The following ZC3H12B variants were observed in gnomAD, a reference collection of about 807,000 sequenced individuals.
ZC3H12B encodes the protein probable ribonuclease ZC3H12B.
ZC3H12B carries 7 observed loss-of-function variants against 43.9 expected under a neutral mutation model. The observed-to-expected ratio is 0.16, with a 90% CI of 0.09 to 0.30. The LOEUF is 0.30. ZC3H12B is among the 10% of genes least tolerant of loss of function. The pLI is 1.00. For synonymous variants in ZC3H12B, 222 were observed against 241.7 expected (o/e 0.92, Z 0.76); for missense variants, 475 against 670.2 (o/e 0.71, Z 3.22).
At chrX:65,455,247 G>T (rs1303831655) in intron 3 of ZC3H12B, among the ~76,000 whole-genome samples, 1 of 111,682 alleles carries the variant, frequency 9.0e-6, no homozygotes. Flanking sequence ...TAGACGAATG[G>T]CTAACTAGAA....
chrX:65,393,216 C>G (rs755445015), intron 2 of ZC3H12B, among the ~76,000 whole-genome samples: 1 of 110,991 alleles, frequency 9.0e-6, no homozygotes, highest in Non-Finnish European at 1.9e-5. Context: ...AAATCCCCCT[C>G]TCTGAGAAAC....
the ZC3H12B span, among the ~76,000 whole-genome samples, chrX:65,155,761 G>A: frequency 9.0e-6 from 1 of 110,739 alleles, no homozygotes; most frequent in African/African-American, 3.3e-5. Context: ...TTGGGAGGTT[G>A]ATGTGGGAAG....
At chrX:65,379,078 G>A (rs769904737) in intron 2 of ZC3H12B, among the ~76,000 whole-genome samples, 38 of 112,119 alleles carry the variant, frequency 3.4e-4, no homozygotes, top group Admixed American at 8.4e-4. Context: ...CAAAGCAGCC[G>A]GGAAGCTCGA....
the ZC3H12B span, among the ~76,000 whole-genome samples, chrX:65,221,621 AC>A: frequency 9.0e-6 from 1 of 110,646 alleles, no homozygotes; most frequent in East Asian, 2.8e-4. Flanking sequence ...GAAATATGCA[AC>A]CCTCCTAAAT....
chrX:65,167,780 T>C, the ZC3H12B span, among the ~76,000 whole-genome samples: 3 of 111,719 alleles, frequency 2.7e-5, 1 homozygote, highest in Non-Finnish European at 5.6e-5. Flanking sequence ...GATTCCTAGG[T>C]ATTTTATTCT....
chrX:65,200,679 G>A, the ZC3H12B span, among the ~76,000 whole-genome samples: 1 of 109,769 alleles, frequency 9.1e-6, no homozygotes, highest in Non-Finnish European at 1.9e-5. Flanking sequence ...CAGTGTATCT[G>A]CCCACCTCAG....
At chrX:65,102,319 CG>C in the ZC3H12B span, among the ~76,000 whole-genome samples, 1 of 111,517 alleles carries the variant, frequency 9.0e-6, no homozygotes, top group African/African-American at 3.3e-5. Context: ...CTTTGAAAAC[CG>C]GCACAAGACA....
chrX:65,439,424 G>A (rs980131669), intron 3 of ZC3H12B, among the ~76,000 whole-genome samples: 1 of 111,521 alleles, frequency 9.0e-6, no homozygotes, highest in African/African-American at 3.3e-5. Context: ...CCCCTTATGG[G>A]ACCAATTAAT....
the ZC3H12B span, among the ~76,000 whole-genome samples, chrX:65,119,221 C>T: frequency 1.8e-5 from 2 of 111,584 alleles, no homozygotes; most frequent in Admixed American, 9.5e-5. Context: ...TGAGGAATCG[C>T]CACACTGACT....
At chrX:65,078,961 G>A in the ZC3H12B span, among the ~76,000 whole-genome samples, 4 of 106,009 alleles carry the variant, frequency 3.8e-5, no homozygotes, top group Non-Finnish European at 7.6e-5. Flanking sequence ...AAATATTAGA[G>A]CTCATTCATT....
chrX:65,084,745 C>G, the ZC3H12B span, among the ~76,000 whole-genome samples: 1 of 112,634 alleles, frequency 8.9e-6, no homozygotes, highest in Admixed American at 9.3e-5. Context: ...GATCCAGCAG[C>G]CCCATTGCTG....
chrX:65,137,579 T>A, the ZC3H12B span, among the ~76,000 whole-genome samples: 1 of 112,135 alleles, frequency 8.9e-6, no homozygotes, highest in African/African-American at 3.2e-5. Context: ...TCAGGAAAAA[T>A]TATAAAAACA....
chrX:65,371,091 G>A (rs1393564628), intron 2 of ZC3H12B, among the ~76,000 whole-genome samples: 1 of 111,453 alleles, frequency 9.0e-6, no homozygotes, highest in Non-Finnish European at 1.9e-5. Context: ...AATTTTAATA[G>A]AAAGATTTAA....
At chrX:65,222,092 C>G in the ZC3H12B span, among the ~76,000 whole-genome samples, 634 of 111,585 alleles carry the variant, frequency 5.7e-3, 2 homozygotes, top group Non-Finnish European at 9.4e-3. Context: ...GAATTAAAAA[C>G]AAAACTCACA....
chrX:65,171,958 G>A, the ZC3H12B span, among the ~76,000 whole-genome samples: 3 of 112,206 alleles, frequency 2.7e-5, no homozygotes, highest in Admixed American at 9.4e-5. Flanking sequence ...CTCTTGGCTA[G>A]GAAAGGGAAT....
the ZC3H12B span, among the ~76,000 whole-genome samples, chrX:65,155,181 C>G: frequency 9.0e-6 from 1 of 110,539 alleles, no homozygotes; most frequent in African/African-American, 3.3e-5. Context: ...TGGTCTTGAA[C>G]TCTTGAACTC....
At chrX:65,355,816 G>A in the ZC3H12B span, among the ~76,000 whole-genome samples, 2 of 111,111 alleles carry the variant, frequency 1.8e-5, no homozygotes, top group Admixed American at 9.6e-5. Context: ...GTAGCCAGAT[G>A]TAGTGGTAGG....
intron 2 of ZC3H12B, among the ~76,000 whole-genome samples, chrX:65,497,749 A>G (rs1462412059): frequency 8.9e-6 from 1 of 112,198 alleles, no homozygotes; most frequent in Non-Finnish European, 1.9e-5. Context: ...AGGGCCAATG[A>G]TATTGCTAAG....
chrX:65,119,821 G>T, the ZC3H12B span, among the ~76,000 whole-genome samples: 7 of 111,784 alleles, frequency 6.3e-5, no homozygotes, highest in South Asian at 3.7e-4. Context: ...ATTAATTTTT[G>T]TATAAGGTGT....
Sources: gnomAD v4.1 joint callset for allele counts (sites outside exome capture counted in the v4.1 genomes callset) on GRCh38, gnomAD v4.1.1 for gene constraint, MANE v1.5 for transcripts, NCBI Gene and HGNC (gene_info 2026-07-23, HGNC 2026-07-21) for gene names.